Variants in MAML3 observed in about 807,000 individuals in gnomAD.
The protein encoded by MAML3 is mastermind like transcriptional coactivator 3, also known as mastermind-like protein 3.
Under a neutral mutation model 101.9 loss-of-function variants are expected in MAML3, and 27 were observed. The observed-to-expected ratio is 0.27, with a 90% CI of 0.20 to 0.37. The LOEUF is 0.37. Among genes scored for constraint, MAML3 ranks in the 10% least tolerant of loss-of-function variants. MAML3 has a pLI of 1.00. For missense variants in MAML3, 1,316 were observed against 1,444.9 expected, an observed-to-expected ratio of 0.91 and a Z score of 1.45; for synonymous variants, 501 against 555.9, an observed-to-expected ratio of 0.90 and a Z score of 1.39.
chr4:140,095,868 C>T (rs374918953), intron 1 of MAML3, among the ~76,000 whole-genome samples: 2 of 152,156 alleles, frequency 1.3e-5, no homozygotes, highest in Non-Finnish European at 2.9e-5. Context: ...ACTTTGTTCA[C>T]GGACTCCCCA....
At chr4:139,950,120 A>C (rs1733807895) in intron 1 of MAML3, among the ~76,000 whole-genome samples, 1 of 152,110 alleles carries the variant, frequency 6.6e-6, no homozygotes, top group African/African-American at 2.4e-5. Context: ...AGCTCACTGC[A>C]ACCTCCGCCT....
chr4:140,076,861 G>T (rs1727776297), intron 1 of MAML3, among the ~76,000 whole-genome samples: 1 of 152,008 alleles, frequency 6.6e-6, no homozygotes, highest in South Asian at 2.1e-4. Context: ...TTTTTTTGTT[G>T]TTGTTTTTGT....
intron 1 of MAML3, among the ~76,000 whole-genome samples, chr4:140,109,887 C>G (rs1728411488): frequency 6.6e-6 from 1 of 152,206 alleles, no homozygotes; most frequent in South Asian, 2.1e-4. Context: ...CTGTCCAAAG[C>G]CACTGAGTCT....
At chr4:140,124,260 G>A (rs1229276817) in intron 1 of MAML3, among the ~76,000 whole-genome samples, 3 of 152,160 alleles carry the variant, frequency 2.0e-5, no homozygotes, top group African/African-American at 7.2e-5. Flanking sequence ...TTAGCACCTT[G>A]AAATCTGTGC....
At position 139,831,635 on chromosome 4, in the gene MAML3, G is replaced by A. The variant is rs527921068; in HGVS notation, c.2079+57722C>T. Among the ~76,000 whole-genome samples, 12 of 152,186 alleles carry A rather than the reference G, an allele frequency of 7.9e-5. No homozygotes were observed. In the East Asian group the frequency reaches 2.3e-3, roughly 29 times the overall value. Reference sequence around the variant, plus strand: ...AAGGAACCAAATATATGCACACACCGGAGCTTAACCTTAGACCCGAGCATG... The same window carrying A: ...AAGGAACCAAATATATGCACACACCAGAGCTTAACCTTAGACCCGAGCATG... On this transcript the variant is annotated intron_variant, in intron 2 of 4. Coordinates refer to ENST00000509479, the MANE Select transcript of MAML3 (RefSeq NM_018717.5).
chr4:140,152,532 A>G (rs1323266907), intron 1 of MAML3, among the ~76,000 whole-genome samples: 1 of 151,876 alleles, frequency 6.6e-6, no homozygotes, highest in East Asian at 1.9e-4. Context: ...CACTCTTTCA[A>G]ATCGGTATCT....
intron 2 of MAML3, among the ~76,000 whole-genome samples, chr4:139,769,346 G>T (rs1729927476): frequency 6.6e-6 from 1 of 152,162 alleles, no homozygotes; most frequent in Non-Finnish European, 1.5e-5. Flanking sequence ...ACACATCTCA[G>T]GTGCATGGAA....
intron 2 of MAML3, among the ~76,000 whole-genome samples, chr4:139,801,852 A>C (rs1054570995): frequency 6.6e-6 from 1 of 152,132 alleles, no homozygotes; most frequent in African/African-American, 2.4e-5. Context: ...AGTCTTGTGA[A>C]GAGTTAATTC....
At chr4:139,736,935 A>G (rs890095413) in intron 2 of MAML3, among the ~76,000 whole-genome samples, 36 of 152,330 alleles carry the variant, frequency 2.4e-4, no homozygotes, top group African/African-American at 8.4e-4. Flanking sequence ...AAAATTTTCA[A>G]AATTTTCAGA....
At chr4:139,994,919 T>C (rs568461269) in intron 1 of MAML3, among the ~76,000 whole-genome samples, 1 of 152,312 alleles carries the variant, frequency 6.6e-6, no homozygotes, top group East Asian at 1.9e-4. Flanking sequence ...ACTTCTAGTA[T>C]AATGTTAAAT....
chr4:139,761,490 C>G (rs1336370972), intron 2 of MAML3, among the ~76,000 whole-genome samples: 1 of 152,184 alleles, frequency 6.6e-6, no homozygotes, highest in Non-Finnish European at 1.5e-5. Flanking sequence ...ACTAGGCTTC[C>G]TTTCATCCCA....
intron 1 of MAML3, among the ~76,000 whole-genome samples, chr4:140,066,915 T>C (rs942397073): frequency 3.9e-5 from 6 of 152,228 alleles, no homozygotes; most frequent in African/African-American, 1.4e-4. Flanking sequence ...ATTTTTCAGA[T>C]ACAGAATGAA....
chr4:140,144,256 A>G (rs1729020776), intron 1 of MAML3, among the ~76,000 whole-genome samples: 1 of 152,038 alleles, frequency 6.6e-6, no homozygotes, highest in Non-Finnish European at 1.5e-5. Flanking sequence ...TTAATAATCA[A>G]TGAATTAAGG....
intron 1 of MAML3, 77 bp from the exon 2 acceptor site, chr4:139,891,044 C>T (rs150228362): frequency 2.0e-5 from 30 of 1,475,698 alleles, no homozygotes; most frequent in East Asian, 9.4e-5. Context: ...ATGTGCATTG[C>T]GATGAACTAA....
intron 2 of MAML3, among the ~76,000 whole-genome samples, chr4:139,839,502 G>A (rs1283598134): frequency 2.0e-5 from 3 of 146,700 alleles, no homozygotes; most frequent in South Asian, 2.1e-4. Context: ...GGGTTCTTTC[G>A]TTGGCATTCC....
rs1728116857 is a variant in MAML3, at chr4:139,719,151, G to A, written c.*172C>T. 12 of 677,306 alleles carry A rather than the reference G, an allele frequency of 1.8e-5. No homozygotes were observed. The highest frequency in any genetic ancestry group is 2.4e-5 in the Non-Finnish European group (10 of 418,250). 42.0% of individuals were successfully genotyped at this position (677,306 alleles called of 1,614,324 possible). ...GCTGTGTGAAAATCAGGTGAAATGA[G>A]GCCTGGTGGGGCTGTGGATTGGCAC... On this transcript the variant is annotated 3_prime_UTR_variant, in exon 5 of 5. Coordinates refer to ENST00000509479, the MANE Select transcript of MAML3 (RefSeq NM_018717.5).
At chr4:140,017,187 G>A (rs1189636055) in intron 1 of MAML3, among the ~76,000 whole-genome samples, 1 of 152,136 alleles carries the variant, frequency 6.6e-6, no homozygotes. Flanking sequence ...TGGCACATAA[G>A]CACACAAAAA....
chr4:139,832,541 C>T (rs1035752058), intron 2 of MAML3, among the ~76,000 whole-genome samples: 6 of 152,088 alleles, frequency 3.9e-5, no homozygotes, highest in Non-Finnish European at 8.8e-5. Flanking sequence ...AGTGAAGCAC[C>T]GTCCACCTTT....
Position 139,890,983 on chromosome 4 carries a change from G to T in MAML3, c.469-16C>A. The stretch of plus-strand genomic sequence containing the variant: ...TCTCTTGTAGCTGGAAAAGAAACAG[G>T]AAAGAGGATGACTAAACCTCCAAGT... On this transcript the variant is annotated splice_polypyrimidine_tract_variant and intron_variant, in intron 1 of 4. Coordinates refer to ENST00000509479, the MANE Select transcript of MAML3 (RefSeq NM_018717.5). The surrounding 1 kb of genome is among the most constrained non-coding windows in gnomAD (Gnocchi z 4.1). The T allele has an allele frequency of 6.2e-7, 1 of 1,602,376 alleles. No individual in the cohort carries two copies. The highest frequency in any genetic ancestry group is 8.5e-7 in the Non-Finnish European group (1 of 1,173,104).
Sources: gnomAD v4.1 joint callset for allele counts (sites outside exome capture counted in the v4.1 genomes callset) on GRCh38, gnomAD v4.1.1 for gene constraint, Gnocchi (gnomAD v3.1) non-coding constraint, MANE v1.5 for transcripts, NCBI Gene and HGNC (gene_info 2026-07-23, HGNC 2026-07-21) for gene names.